DAB1: variants seen among roughly 807,000 people sequenced by gnomAD.
DAB1 encodes the protein DAB adaptor protein 1.
In DAB1, 15 loss-of-function variants were observed where a neutral mutation model predicts 64.6. The observed-to-expected ratio is 0.23, with a 90% CI of 0.16 to 0.36. The LOEUF is 0.36. Among genes scored for constraint, DAB1 ranks in the 10% least tolerant of loss-of-function variants. The pLI is 1.00. For missense variants in DAB1, 596 were observed against 706.7 expected, an observed-to-expected ratio of 0.84 and a Z score of 1.78; for synonymous variants, 235 against 251.9, an observed-to-expected ratio of 0.93 and a Z score of 0.64.
chr1:58,253,689 C>A (rs1660857107), intron 4 of DAB1, among the ~76,000 whole-genome samples: 1 of 152,174 alleles, frequency 6.6e-6, no homozygotes, highest in African/African-American at 2.4e-5. Flanking sequence ...AACTGAGAAC[C>A]AGAGAGATTG....
Position 58,427,153 on chromosome 1 carries a change from GGTGTGGTTAGGGTTATGCAA to G in DAB1, n.257+78887_257+78906del, listed in dbSNP as rs1247891581. On this transcript the variant is annotated intron_variant and non_coding_transcript_variant, in intron 3 of 20. Coordinates refer to the DAB1 transcript ENST00000485760. ...GTACTGTGGATTGGAGGCAGGCAGG[GGTGTGGTTAGGGTTATGCAA>G]GTAAGGTGGTGTGGGGTAGAGAAGA... 2.6e-5 allele frequency among the ~76,000 whole-genome samples: 4 copies of G among 152,034 alleles called. No individual in the cohort carries two copies. In the South Asian group the frequency reaches 8.3e-4, roughly 32 times the overall value.
chr1:57,697,936 C>T (rs975269509), intron 6 of DAB1, among the ~76,000 whole-genome samples: 2 of 152,194 alleles, frequency 1.3e-5, no homozygotes, highest in Non-Finnish European at 2.9e-5. Flanking sequence ...TCATCTCTTA[C>T]ATGCTCCTCC....
At chr1:57,990,713 C>T (rs1557599252) in intron 5 of DAB1, among the ~76,000 whole-genome samples, 1 of 152,106 alleles carries the variant, frequency 6.6e-6, no homozygotes, top group Non-Finnish European at 1.5e-5. Flanking sequence ...TATGGGGAAT[C>T]TAGGGGCAGC....
intron 5 of DAB1, among the ~76,000 whole-genome samples, chr1:58,078,875 T>C (rs1331994308): frequency 6.6e-6 from 1 of 152,134 alleles, no homozygotes; most frequent in Non-Finnish European, 1.5e-5. Context: ...TCAGGGAATT[T>C]GGGAGACTTG....
chr1:58,373,468 C>T (rs943650883), intron 3 of DAB1, among the ~76,000 whole-genome samples: 2 of 151,264 alleles, frequency 1.3e-5, no homozygotes, highest in African/African-American at 4.8e-5. Context: ...TGATGGTTTC[C>T]AACTTCATCC....
chr1:57,178,006 C>T (rs913802367), intron 2 of DAB1, among the ~76,000 whole-genome samples: 1 of 152,034 alleles, frequency 6.6e-6, no homozygotes, highest in African/African-American at 2.4e-5. Context: ...ATAGTTTTCT[C>T]ATCTGTAAAA....
At chr1:57,870,392 AT>A (rs1643922965) in intron 1 of DAB1, among the ~76,000 whole-genome samples, 1 of 152,080 alleles carries the variant, frequency 6.6e-6, no homozygotes, top group South Asian at 2.1e-4. Context: ...AAGCCGTTTT[AT>A]TGGAGAATGA....
At chr1:57,019,551 T>C (rs1184891032) in intron 11 of DAB1, among the ~76,000 whole-genome samples, 1 of 152,234 alleles carries the variant, frequency 6.6e-6, no homozygotes, top group Admixed American at 6.5e-5. Flanking sequence ...AGGGGTTCCC[T>C]GCAGGCTGGC....
chr1:57,773,333 A>C (rs1346954278), intron 6 of DAB1, among the ~76,000 whole-genome samples: 3 of 140,474 alleles, frequency 2.1e-5, no homozygotes, highest in African/African-American at 8.0e-5. Flanking sequence ...TCTTCTTGTT[A>C]TTGAGTTGTA....
intron 7 of DAB1, among the ~76,000 whole-genome samples, chr1:57,622,003 AAATGTGTGATGC>A (rs1315169359): frequency 6.6e-6 from 1 of 152,310 alleles, no homozygotes; most frequent in Admixed American, 6.5e-5. Context: ...GCAGTAGCTT[AAATGTGTGATGC>A]AATGTGTGAT....
rs118069999 is a variant in DAB1 at position 57,171,014 on chromosome 1, C to T, written c.68-25585G>A. ...TTAGATCAAGGCAAAGAGTTCGATA[C>T]GGCTTGGTAGAAAAGAGAAAGCTGT... On this transcript the variant is annotated intron_variant, in intron 2 of 14. Transcript: ENST00000371236. Among the ~76,000 whole-genome samples the T allele has an allele frequency of 8.9e-4, 136 of 152,246 alleles. 1 individual carries two copies. In the East Asian group the frequency reaches 0.018, roughly 20 times the overall value.
At chr1:57,932,359 T>C (rs547133265) in intron 5 of DAB1, among the ~76,000 whole-genome samples, 17 of 152,222 alleles carry the variant, frequency 1.1e-4, no homozygotes, top group Non-Finnish European at 1.8e-4. Flanking sequence ...AGTTGATTGA[T>C]GGCATTTTTT....
chr1:57,985,525 T>C (rs1391474228), intron 5 of DAB1, among the ~76,000 whole-genome samples: 1 of 152,052 alleles, frequency 6.6e-6, no homozygotes, highest in African/African-American at 2.4e-5. Flanking sequence ...ACGCTTAATA[T>C]GTATATTAAA....
chr1:57,026,859 T>C (rs566769058), intron 9 of DAB1, among the ~76,000 whole-genome samples: 3 of 152,314 alleles, frequency 2.0e-5, no homozygotes, highest in African/African-American at 7.2e-5. Context: ...CACTTAGAAA[T>C]TAATCTGCAT....
At chr1:58,469,037 G>A (rs1191436204) in intron 3 of DAB1, 1 of 242,112 alleles carries the variant, frequency 4.1e-6, no homozygotes, top group Non-Finnish European at 6.7e-6. Flanking sequence ...TGTTAGAGAA[G>A]GTTATCACAG....
chr1:57,272,028 A>G (rs762571608), intron 2 of DAB1, among the ~76,000 whole-genome samples: 10 of 152,228 alleles, frequency 6.6e-5, no homozygotes, highest in Non-Finnish European at 1.2e-4. Flanking sequence ...ACAGGGAGAA[A>G]GAAGCATGAA....
At position 57,956,365 on chromosome 1, in the gene DAB1, G is replaced by A. The variant is rs181370003; in HGVS notation, n.388-72203C>T. On this transcript the variant is annotated intron_variant and non_coding_transcript_variant, in intron 5 of 20. Transcript: ENST00000485760. Reference sequence around the variant, plus strand: ...AGAACTCTATATGAGAGGGATTCCTGTAGAGCAGCCCCCTTGAAGGGGATT... The same window carrying A: ...AGAACTCTATATGAGAGGGATTCCTATAGAGCAGCCCCCTTGAAGGGGATT... Among the ~76,000 whole-genome samples the A allele has an allele frequency of 7.2e-5, 11 of 152,300 alleles. No individual in the cohort carries two copies. The East Asian group carries it at 1.9e-3, about 27-fold the overall frequency.
intron 4 of DAB1, among the ~76,000 whole-genome samples, chr1:57,106,336 C>T (rs952023036): frequency 1.3e-5 from 2 of 150,508 alleles, no homozygotes; most frequent in Admixed American, 6.6e-5. Flanking sequence ...AAGACACAGG[C>T]TCATTAAGTC....
chr1:57,613,027 A>G (rs1411634611), intron 7 of DAB1, among the ~76,000 whole-genome samples: 1 of 152,184 alleles, frequency 6.6e-6, no homozygotes, highest in Non-Finnish European at 1.5e-5. Flanking sequence ...ACAGCAGTCA[A>G]CACAACTCAG....
Sources: gnomAD v4.1 joint callset for allele counts (sites outside exome capture counted in the v4.1 genomes callset) on GRCh38, gnomAD v4.1.1 for gene constraint, MANE v1.5 for transcripts, NCBI Gene and HGNC (gene_info 2026-07-23, HGNC 2026-07-21) for gene names.